The following ENOX1 variants were observed in gnomAD, a reference collection of about 807,000 sequenced individuals.
The protein encoded by ENOX1 is candidate growth-related and time keeping constitutive hydroquinone (NADH) oxidase.
A neutral mutation model predicts 82.5 loss-of-function variants in ENOX1; 42 were observed. That is an observed-to-expected ratio of 0.51 (90% CI 0.40 to 0.66). The LOEUF is 0.66. Ranked by LOEUF, ENOX1 falls within the 30% of genes least tolerant of loss-of-function variation. ENOX1 has a pLI of 0.00. For synonymous variants in ENOX1, 271 were observed against 282.2 expected, an observed-to-expected ratio of 0.96 and a Z score of 0.40; for missense variants, 608 against 811.6, an observed-to-expected ratio of 0.75 and a Z score of 3.05.
chr13:43,394,120 T>A (rs2052983081), intron 5 of ENOX1, among the ~76,000 whole-genome samples: 1 of 152,214 alleles, frequency 6.6e-6, no homozygotes, highest in African/African-American at 2.4e-5. Context: ...AATGAACATC[T>A]TTTCTTTATA....
chr13:43,266,625 A>G (rs2044385186), intron 13 of ENOX1, among the ~76,000 whole-genome samples: 1 of 152,182 alleles, frequency 6.6e-6, no homozygotes, highest in South Asian at 2.1e-4. Context: ...TCTACACACA[A>G]CAGACACAGG....
intron 5 of ENOX1, among the ~76,000 whole-genome samples, chr13:43,370,182 A>G (rs751360467): frequency 3.0e-4 from 46 of 152,130 alleles, no homozygotes; most frequent in Non-Finnish European, 5.7e-4. Flanking sequence ...CCTGGCTAAC[A>G]CGGTGAAACC....
At chr13:43,715,087 C>A (rs2088018869) in intron 1 of ENOX1, among the ~76,000 whole-genome samples, 1 of 152,062 alleles carries the variant, frequency 6.6e-6, no homozygotes, top group Admixed American at 6.6e-5. Flanking sequence ...CCTTCAGGAG[C>A]TCTTTTAGGG....
At chr13:43,301,556 A>G (rs1436281310) in intron 11 of ENOX1, among the ~76,000 whole-genome samples, 1 of 135,554 alleles carries the variant, frequency 7.4e-6, no homozygotes, top group Non-Finnish European at 1.6e-5. Context: ...TATTAAAAAA[A>G]CCCACAACAG....
intron 2 of ENOX1, among the ~76,000 whole-genome samples, chr13:43,592,483 C>A (rs2081288666): frequency 6.6e-6 from 1 of 152,048 alleles, no homozygotes; most frequent in African/African-American, 2.4e-5. Context: ...AAGAATAGAA[C>A]AAAGAACAGC....
intron 2 of ENOX1, among the ~76,000 whole-genome samples, chr13:43,624,630 C>A (rs2082886163): frequency 6.6e-6 from 1 of 152,044 alleles, no homozygotes; most frequent in African/African-American, 2.4e-5. Flanking sequence ...TGCTCCAGAA[C>A]CATTTATTTA....
rs184076238 is a variant in ENOX1 at position 43,556,346 on chromosome 13, G to A, written c.-218-72194C>T. On this transcript the variant is annotated intron_variant, in intron 2 of 16. Coordinates refer to ENST00000690772, the MANE Select transcript of ENOX1 (RefSeq NM_001347969.2). ...TATAGAACATTAGGCTTTCCCTTAA[G>A]GATACGTATTTCCTCACTTACAGAG... 3.9e-5 allele frequency among the ~76,000 whole-genome samples: 6 copies of A among 152,098 alleles called. No homozygotes were observed. In the East Asian group the frequency reaches 7.7e-4, roughly 20 times the overall value.
intron 1 of ENOX1, among the ~76,000 whole-genome samples, chr13:43,707,460 G>A (rs796331693): frequency 3.3e-5 from 5 of 152,246 alleles, no homozygotes; most frequent in African/African-American, 9.6e-5. Context: ...ACAGGGTGGG[G>A]CGCAGTGGCT....
At chr13:43,721,441 G>C (rs1260773391) in intron 1 of ENOX1, among the ~76,000 whole-genome samples, 2 of 143,374 alleles carry the variant, frequency 1.4e-5, no homozygotes, top group African/African-American at 2.6e-5. Context: ...TGCAGTGGCG[G>C]GATCTCGGCT....
chr13:43,305,394 G>C (rs907550637), intron 11 of ENOX1, among the ~76,000 whole-genome samples: 2 of 152,124 alleles, frequency 1.3e-5, no homozygotes, highest in African/African-American at 4.8e-5. Context: ...CTGCACATTA[G>C]CTATTATTAG....
intron 15 of ENOX1, among the ~76,000 whole-genome samples, chr13:43,234,066 C>CT (rs2042407958): frequency 6.6e-6 from 1 of 152,182 alleles, no homozygotes; most frequent in African/African-American, 2.4e-5. Context: ...CTACCACAGT[C>CT]TGTATCTAGA....
At chr13:43,544,457 C>T (rs375421975) in intron 2 of ENOX1, 1 of 152,110 alleles carries the variant, frequency 6.6e-6, no homozygotes, top group Non-Finnish European at 1.5e-5. Flanking sequence ...TATAAGCAGG[C>T]CTCTTGTTGT....
chr13:43,721,527 C>T (rs940374221), intron 1 of ENOX1, among the ~76,000 whole-genome samples: 1 of 150,232 alleles, frequency 6.7e-6, no homozygotes, highest in Non-Finnish European at 1.5e-5. Flanking sequence ...TACAGGCGCC[C>T]GCCACTACGC....
intron 1 of ENOX1, among the ~76,000 whole-genome samples, chr13:43,784,466 T>C (rs1952456071): frequency 6.6e-6 from 1 of 152,244 alleles, no homozygotes; most frequent in Non-Finnish European, 1.5e-5. Context: ...AAAATGATAA[T>C]AATGGAAAGC....
At chr13:43,552,848 T>C (rs2079264605) in intron 2 of ENOX1, among the ~76,000 whole-genome samples, 1 of 152,178 alleles carries the variant, frequency 6.6e-6, no homozygotes, top group Non-Finnish European at 1.5e-5. Flanking sequence ...AAATAGCATA[T>C]CATTTTCTGT....
chr13:43,462,962 A>G (rs2057555078), intron 3 of ENOX1, among the ~76,000 whole-genome samples: 1 of 152,228 alleles, frequency 6.6e-6, no homozygotes, highest in Non-Finnish European at 1.5e-5. Flanking sequence ...GTTACGTTAA[A>G]AATCGGTGCC....
chr13:43,779,125 C>A (rs1952092421), intron 1 of ENOX1, among the ~76,000 whole-genome samples: 2 of 151,324 alleles, frequency 1.3e-5, no homozygotes, highest in Admixed American at 1.3e-4. Context: ...AGGAGCAATG[C>A]CCTCATCAGT....
At chr13:43,469,777 A>G (rs1326534703) in intron 3 of ENOX1, among the ~76,000 whole-genome samples, 1 of 151,964 alleles carries the variant, frequency 6.6e-6, no homozygotes, top group African/African-American at 2.4e-5. Flanking sequence ...TCTAAGATAA[A>G]TCTAAAATTT....
At chr13:43,546,188 G>A (rs1430575911) in intron 2 of ENOX1, 4 of 152,272 alleles carry the variant, frequency 2.6e-5, no homozygotes, top group Non-Finnish European at 5.9e-5. Flanking sequence ...TTCAAAGAGT[G>A]ATAAGTGCTA....
Sources: gnomAD v4.1 joint callset for allele counts (sites outside exome capture counted in the v4.1 genomes callset) on GRCh38, gnomAD v4.1.1 for gene constraint, MANE v1.5 for transcripts, NCBI Gene and HGNC (gene_info 2026-07-23, HGNC 2026-07-21) for gene names.